MEGF11: variants seen among roughly 807,000 people sequenced by gnomAD.
MEGF11 encodes multiple epidermal growth factor-like domains protein 11.
Under a neutral mutation model 146.6 loss-of-function variants are expected in MEGF11, and 126 were observed. That is an observed-to-expected ratio of 0.86 (90% CI 0.74 to 1.00). The LOEUF is 1.00. MEGF11 is among the 50% of genes least tolerant of loss of function. The pLI is 0.00. For missense variants in MEGF11, 1,509 were observed against 1,521.2 expected, an observed-to-expected ratio of 0.99 and a Z score of 0.13; for synonymous variants, 532 against 583.4, an observed-to-expected ratio of 0.91 and a Z score of 1.27.
intron 10 of MEGF11, among the ~76,000 whole-genome samples, chr15:65,941,565 G>A (rs2079992477): frequency 6.6e-6 from 1 of 152,220 alleles, no homozygotes; most frequent in Non-Finnish European, 1.5e-5. Context: ...TAGGGACTCA[G>A]TTGCAGTTCT....
In MEGF11 at chr15:66,113,183, T is replaced by C. The variant is rs572082792; in HGVS notation, c.301+5903A>G. Among the ~76,000 whole-genome samples the C allele has an allele frequency of 2.3e-3, 347 of 152,248 alleles. 4 individuals are homozygous for C. The highest frequency in any genetic ancestry group is 8.0e-3 in the African/African-American group (333 of 41,528). On this transcript the variant is annotated intron_variant, in intron 4 of 25. Transcript: ENST00000395614. ...GAGGCCAGTCTCCCAGACCCTCAGC[T>C]GCTGGCTCCCTCGGACACCATGTGC...
At chr15:66,138,905 T>C (rs2089017066) in intron 1 of MEGF11, among the ~76,000 whole-genome samples, 1 of 152,046 alleles carries the variant, frequency 6.6e-6, no homozygotes, top group South Asian at 2.1e-4. Flanking sequence ...CAGATACTAC[T>C]GGGGGTGCAC....
chr15:66,019,749 CT>C (rs1461175305), intron 5 of MEGF11, among the ~76,000 whole-genome samples: 1 of 152,244 alleles, frequency 6.6e-6, no homozygotes, highest in Non-Finnish European at 1.5e-5. Flanking sequence ...TTCTCCTCAT[CT>C]TACGACATTC....
chr15:65,916,521 T>A, intron 17 of MEGF11: 1 of 657,226 alleles, frequency 1.5e-6, no homozygotes, highest in Admixed American at 2.9e-5. Flanking sequence ...CTACTTCCTG[T>A]GTGGACACAG....
At chr15:66,217,202 T>G (rs1341560698) in intron 1 of MEGF11, among the ~76,000 whole-genome samples, 2 of 152,186 alleles carry the variant, frequency 1.3e-5, no homozygotes, top group African/African-American at 4.8e-5. Flanking sequence ...TCATGAGCTA[T>G]CCACAGAAGG....
chr15:65,978,793 TGGAC>T (rs2081536539), intron 7 of MEGF11, among the ~76,000 whole-genome samples: 1 of 152,178 alleles, frequency 6.6e-6, no homozygotes, highest in South Asian at 2.1e-4. Context: ...GACAGACAGA[TGGAC>T]AGACAGACAC....
Position 66,119,177 on chromosome 15 carries a change from A to G in MEGF11, c.210T>C (p.Tyr70=). 1 of 1,551,124 alleles carries G rather than the reference A, an allele frequency of 6.4e-7. No individual in the cohort carries two copies. Among genetic ancestry groups the G allele is most frequent in the Non-Finnish European group, 8.7e-7 (1 of 1,146,786 alleles). ...GGAGGCCTCTCCGATACGCCGTCTT[A>G]TAACTGATCCTAAGGCACAAGGGAG... is the stretch of plus-strand genomic sequence containing the variant. ...WFKCTRHRIS[Y]KTAYRRGLRT... Residue 70 remains tyrosine (Y), a synonymous_variant, in exon 4 of 26, where the codon TAT becomes TAC. Coordinates refer to ENST00000395614, the MANE Select transcript of MEGF11 (RefSeq NM_001385028.1).
At chr15:66,211,329 T>C (rs12916877) in intron 1 of MEGF11, among the ~76,000 whole-genome samples, 4,988 of 152,020 alleles carry the variant, frequency 0.033, 90 homozygotes, top group South Asian at 0.037. Flanking sequence ...CGAGACCATC[T>C]TGGCTAACAC....
chr15:66,086,692 C>T (rs2086122396), intron 5 of MEGF11, among the ~76,000 whole-genome samples: 1 of 152,160 alleles, frequency 6.6e-6, no homozygotes, highest in Non-Finnish European at 1.5e-5. Context: ...CCTGGAAACA[C>T]ATCAAAACAG....
chr15:66,148,976 A>T (rs1465659961), intron 1 of MEGF11, among the ~76,000 whole-genome samples: 1 of 152,228 alleles, frequency 6.6e-6, no homozygotes, highest in East Asian at 1.9e-4. Context: ...CTCAGTCTCC[A>T]GAGCTGTAAG....
chr15:66,128,276 G>A (rs2088471583), intron 2 of MEGF11, 30 bp downstream of exon 2: 6 of 1,410,326 alleles, frequency 4.3e-6, no homozygotes, highest in East Asian at 2.8e-5. Flanking sequence ...CCCCCAGAGA[G>A]TGCCTGGCCA....
At chr15:66,211,450 G>C (rs1286733758) in intron 1 of MEGF11, among the ~76,000 whole-genome samples, 1 of 151,980 alleles carries the variant, frequency 6.6e-6, no homozygotes, top group Non-Finnish European at 1.5e-5. Flanking sequence ...CGTGAACCCG[G>C]GAGGGGGAGC....
chr15:66,064,563 G>A (rs1365777068), intron 5 of MEGF11, among the ~76,000 whole-genome samples: 1 of 152,008 alleles, frequency 6.6e-6, no homozygotes, highest in Non-Finnish European at 1.5e-5. Context: ...TGTTGCCCAG[G>A]CTGGAGTGCA....
At chr15:66,152,285 A>G (rs1464084165) in intron 1 of MEGF11, among the ~76,000 whole-genome samples, 1 of 152,052 alleles carries the variant, frequency 6.6e-6, no homozygotes, top group Non-Finnish European at 1.5e-5. Flanking sequence ...AGAGGGTAGG[A>G]AGGGCAAGAA....
At chr15:66,102,545 G>A (rs1178311585) in intron 4 of MEGF11, among the ~76,000 whole-genome samples, 1 of 150,378 alleles carries the variant, frequency 6.6e-6, no homozygotes, top group Non-Finnish European at 1.5e-5. Context: ...TCCTGCCTCA[G>A]CCTCCCAAAT....
chr15:65,918,567 CG>C (rs2079076737), intron 15 of MEGF11, among the ~76,000 whole-genome samples: 1 of 152,226 alleles, frequency 6.6e-6, no homozygotes, highest in South Asian at 2.1e-4. Flanking sequence ...GGCCTGCCTG[CG>C]GTTTGACTGT....
intron 1 of MEGF11, among the ~76,000 whole-genome samples, chr15:66,182,911 G>A (rs969123639): frequency 1.3e-5 from 2 of 152,160 alleles, no homozygotes; most frequent in Non-Finnish European, 2.9e-5. Flanking sequence ...ATCTTTAGGT[G>A]TCCCTCACCC....
At chr15:66,204,980 T>A (rs1284665000) in intron 1 of MEGF11, among the ~76,000 whole-genome samples, 1 of 18,344 alleles carries the variant, frequency 5.5e-5, no homozygotes, top group Non-Finnish European at 2.1e-4. Flanking sequence ...TTGGGTTGAA[T>A]TTTTTTTTTT....
intron 1 of MEGF11, among the ~76,000 whole-genome samples, chr15:66,230,727 C>A (rs1022299511): frequency 3.3e-5 from 5 of 152,150 alleles, no homozygotes; most frequent in Non-Finnish European, 5.9e-5. Context: ...GTGATGCGGA[C>A]GTGGGAGTGC....
Sources: gnomAD v4.1 joint callset for allele counts (sites outside exome capture counted in the v4.1 genomes callset) on GRCh38, gnomAD v4.1.1 for gene constraint, MANE v1.5 for transcripts, NCBI Gene and HGNC (gene_info 2026-07-23, HGNC 2026-07-21) for gene names.